MASP1: variants seen among roughly 807,000 people sequenced by gnomAD.
MASP1 encodes the protein MBL associated serine protease 1.
A neutral mutation model predicts 77.1 loss-of-function variants in MASP1; 59 were observed. The observed-to-expected ratio is 0.77, with a 90% CI of 0.62 to 0.95. The LOEUF is 0.95. MASP1 is among the 40% of genes least tolerant of loss of function. The pLI is 0.00. For synonymous variants in MASP1, 362 were observed against 354.5 expected (o/e 1.02, Z -0.24); for missense variants, 885 against 912.9 (o/e 0.97, Z 0.39).
chr3:187,222,638 G>C (rs1177217558), intron 14 of MASP1, among the ~76,000 whole-genome samples: 1 of 151,880 alleles, frequency 6.6e-6, no homozygotes, highest in Non-Finnish European at 1.5e-5. Context: ...AAGTTAGTGG[G>C]AGCCAAGACT....
At chr3:187,229,173 G>A (rs1712617138), downstream of MASP1, among the ~76,000 whole-genome samples, 1 of 152,156 alleles carries the variant, frequency 6.6e-6, no homozygotes, top group Non-Finnish European at 1.5e-5. Flanking sequence ...TCTCATTCTT[G>A]CTCCCACTCC....
At chr3:187,288,891 C>T (rs1352753436) in intron 1 of MASP1, among the ~76,000 whole-genome samples, 1 of 152,208 alleles carries the variant, frequency 6.6e-6, no homozygotes, top group Non-Finnish European at 1.5e-5. Flanking sequence ...TTCCCTTCTA[C>T]TTTGTTTGCA....
intron 14 of MASP1, chr3:187,221,175 G>GA: frequency 1.4e-6 from 2 of 1,472,526 alleles, no homozygotes; most frequent in Non-Finnish European, 1.9e-6. Context: ...CCCCGGCTGA[G>GA]AAGCCTCTGC....
rs1715522672 is a variant in MASP1, at chr3:187,260,910, T to C, written c.416-38A>G. 5 of 1,613,552 alleles carry C rather than the reference T, an allele frequency of 3.1e-6. No homozygotes were observed. In the East Asian group the frequency reaches 6.7e-5, roughly 22 times the overall value. Reference sequence around the variant, plus strand: ...TAAAGCCTCTCCATCAATACATGCATGATGATGAAGACTACAGCCAACATT... The same window carrying C: ...TAAAGCCTCTCCATCAATACATGCACGATGATGAAGACTACAGCCAACATT... On this transcript the variant is annotated intron_variant, in intron 3 of 10. Transcript: ENST00000296280.
chr3:187,271,785 A>G (rs947667514), intron 2 of MASP1, among the ~76,000 whole-genome samples: 1 of 152,190 alleles, frequency 6.6e-6, no homozygotes, highest in Non-Finnish European at 1.5e-5. Context: ...CAACTTAACT[A>G]GCCTGGAAGT....
intron 6 of MASP1, 64 bp downstream of exon 6, chr3:187,253,104 C>T (rs555595616): frequency 5.0e-6 from 8 of 1,604,954 alleles, no homozygotes; most frequent in East Asian, 4.5e-5. Context: ...CCTCCTCCCT[C>T]AGCCACTGCC....
exon 16 of MASP1, chr3:187,220,052 TG>T (rs1342640582): frequency 2.5e-6 from 4 of 1,612,608 alleles, no homozygotes; most frequent in Admixed American, 1.7e-5. Flanking sequence ...CTGGTGGTGC[TG>T]GGGCTGAGGA....
intron 9 of MASP1, chr3:187,243,116 A>G (rs1399449634): frequency 5.8e-6 from 2 of 342,122 alleles, no homozygotes; most frequent in African/African-American, 2.1e-5. Context: ...CTCAGACCAC[A>G]TGAAGGAGTT....
At position 187,235,015 on chromosome 3, in the gene MASP1, C is replaced by T. The variant is rs1167421552; in HGVS notation, c.*669G>A. 2 of 1,287,220 alleles carry T rather than the reference C, an allele frequency of 1.6e-6. No homozygotes were observed. Among genetic ancestry groups the T allele is most frequent in the Non-Finnish European group, 2.0e-6 (2 of 988,700 alleles). The allele number at this position is 1,287,220 out of a possible 1,614,324, so 79.7% of individuals were successfully genotyped here. On this transcript the variant is annotated 3_prime_UTR_variant, in exon 11 of 11. Transcript: ENST00000296280. Reference sequence around the variant, plus strand: ...CTCCCAGCAGTCAGCACAAACCTTCCCAACTTTCTCCATGTCTTTTGAAAT... The same window carrying T: ...CTCCCAGCAGTCAGCACAAACCTTCTCAACTTTCTCCATGTCTTTTGAAAT...
chr3:187,275,159 T>C (rs1374859166), intron 2 of MASP1, among the ~76,000 whole-genome samples: 2 of 152,012 alleles, frequency 1.3e-5, no homozygotes, highest in South Asian at 2.1e-4. Flanking sequence ...GACGGGAAAA[T>C]AGCCTGAGGA....
At chr3:187,232,285 C>T (rs1712814163), downstream of MASP1, among the ~76,000 whole-genome samples, 3 of 146,620 alleles carry the variant, frequency 2.0e-5, no homozygotes, top group Admixed American at 7.0e-5. Flanking sequence ...TTCCATGATG[C>T]TGGTGTTTCA....
chr3:187,224,085 T>A (rs937315602), intron 13 of MASP1, among the ~76,000 whole-genome samples: 1 of 152,208 alleles, frequency 6.6e-6, no homozygotes, highest in African/African-American at 2.4e-5. Context: ...TCAGATTACA[T>A]CTCAGCCATT....
At chr3:187,232,783 A>C (rs1712849246), downstream of MASP1, among the ~76,000 whole-genome samples, 1 of 152,236 alleles carries the variant, frequency 6.6e-6, no homozygotes, top group South Asian at 2.1e-4. Flanking sequence ...CAAAAGAAAA[A>C]CAAAAATTGG....
chr3:187,260,222 G>A (rs1715443183), intron 4 of MASP1, among the ~76,000 whole-genome samples: 1 of 152,144 alleles, frequency 6.6e-6, no homozygotes, highest in South Asian at 2.1e-4. Context: ...AGCATAGTAG[G>A]TACGTTGATG....
At chr3:187,269,117 C>T (rs190091915) in intron 2 of MASP1, among the ~76,000 whole-genome samples, 18 of 151,118 alleles carry the variant, frequency 1.2e-4, no homozygotes, top group Non-Finnish European at 2.7e-4. Flanking sequence ...GGGTAAATGT[C>T]AAATCAATGG....
chr3:187,279,045 C>T (rs1560033808), intron 2 of MASP1, among the ~76,000 whole-genome samples: 1 of 151,954 alleles, frequency 6.6e-6, no homozygotes, highest in Admixed American at 6.6e-5. Context: ...AGATGCCAGG[C>T]AGAAAACATA....
intron 3 of MASP1, among the ~76,000 whole-genome samples, chr3:187,261,241 T>C (rs996432392): frequency 6.6e-6 from 1 of 152,192 alleles, no homozygotes; most frequent in Non-Finnish European, 1.5e-5. Context: ...CTATGGAGGA[T>C]GAAATGGCGA....
At chr3:187,244,310 A>T (rs1713905978) in intron 8 of MASP1, 1 of 155,142 alleles carries the variant, frequency 6.4e-6, no homozygotes, top group South Asian at 2.0e-4. Flanking sequence ...ATGAATAAAG[A>T]TGCCTGCTCC....
intron 10 of MASP1, among the ~76,000 whole-genome samples, chr3:187,240,872 A>G (rs562078865): frequency 1.3e-5 from 2 of 152,202 alleles, no homozygotes; most frequent in Admixed American, 6.5e-5. Context: ...CTGACTTCAG[A>G]TGATCCACCC....
Sources: gnomAD v4.1 joint callset for allele counts (sites outside exome capture counted in the v4.1 genomes callset) on GRCh38, gnomAD v4.1.1 for gene constraint, MANE v1.5 for transcripts, NCBI Gene and HGNC (gene_info 2026-07-23, HGNC 2026-07-21) for gene names.